PTPRJ: variants seen among roughly 807,000 people sequenced by gnomAD.
The protein encoded by PTPRJ is protein tyrosine phosphatase receptor type J, also known as receptor-type tyrosine-protein phosphatase eta.
PTPRJ carries 129 observed loss-of-function variants against 141.3 expected under a neutral mutation model. The ratio of observed to expected loss-of-function variants is 0.91; its 90% CI spans 0.79 to 1.06. PTPRJ has a LOEUF of 1.06. Among genes scored for constraint, PTPRJ ranks in the 50% least tolerant of loss-of-function variants. The pLI, the probability that PTPRJ is intolerant of heterozygous loss-of-function variation, is 0.00. For missense variants in PTPRJ, 1,601 were observed against 1,679.7 expected (o/e 0.95, Z 0.82); for synonymous variants, 610 against 640.5 (o/e 0.95, Z 0.72).
chr11:48,100,421 C>T (rs1045257169), intron 1 of PTPRJ, among the ~76,000 whole-genome samples: 9 of 152,100 alleles, frequency 5.9e-5, no homozygotes, highest in South Asian at 2.1e-4. Context: ...GTGTGCCCCT[C>T]GTATGCTAAG....
Position 48,130,584 on chromosome 11 carries a change from C to T in PTPRJ, c.1483C>T (p.Arg495Trp), listed in dbSNP as rs770381504. The T allele has an allele frequency of 7.9e-5, 128 of 1,613,930 alleles. No individual in the cohort carries two copies. The highest frequency in any genetic ancestry group is 9.7e-5 in the Non-Finnish European group (115 of 1,180,006). Residue 495 changes from arginine to tryptophan, a missense_variant, in exon 8 of 25, where the codon CGG (arginine) becomes TGG (tryptophan). Coordinates refer to ENST00000418331, the MANE Select transcript of PTPRJ (RefSeq NM_002843.4). ...HITQEGAGNSRVEITTNQSII... is the reference protein window; with the variant it reads ...HITQEGAGNSWVEITTNQSII... The stretch of plus-strand genomic sequence containing the variant: ...CACACAGGAGGGAGCTGGCAATTCT[C>T]GGGTAGAAATAACCACCAACCAAAG...
rs1207737961 is a variant in PTPRJ at position 48,110,076 on chromosome 11, A to C, written c.115A>C (p.Thr39Pro). Reference sequence around the variant, plus strand: ...GTTTCAGATCCTGTGCGCAGGTGGCAGTGAGTACCCTTTTCCTCTCTATTC... The same window carrying C: ...GTTTCAGATCCTGTGCGCAGGTGGCCGTGAGTACCCTTTTCCTCTCTATTC... ...RLGQILCAGG[T>P]PSPIPDPSVA... Residue 39 changes from threonine to proline, a missense_variant and splice_region_variant, in exon 2 of 25, where the codon ACC becomes CCC. Physicochemically the swap from Thr to Pro is conservative, Grantham distance 38 (BLOSUM62 -1). Coordinates refer to ENST00000418331, the MANE Select transcript of PTPRJ (RefSeq NM_002843.4). The C allele has an allele frequency of 6.2e-7, 1 of 1,613,776 alleles. No homozygotes were observed. Among genetic ancestry groups the C allele is most frequent in the South Asian group, 1.1e-5 (1 of 91,070 alleles).
intron 17 of PTPRJ, 34 bp from the exon 18 acceptor site, chr11:48,150,062 A>G (rs1289276774): frequency 3.8e-6 from 6 of 1,575,678 alleles, no homozygotes; most frequent in Middle Eastern, 1.7e-4. Flanking sequence ...ACTTCACTGA[A>G]TGTAAAAAAT....
At chr11:48,132,347 CCT>C in intron 8 of PTPRJ, 2 of 972,788 alleles carry the variant, frequency 2.1e-6, no homozygotes, top group African/African-American at 3.5e-5. Context: ...CTAGCACCAG[CCT>C]GGGAGACCCT....
rs1292092161 is a variant in PTPRJ at position 47,996,334 on chromosome 11, C to CAAA, written c.96+15346_96+15348dup. 7.3e-3 allele frequency among the ~76,000 whole-genome samples: 407 copies of CAAA among 56,050 alleles called. 9 individuals carry two copies. Among genetic ancestry groups the CAAA allele is most frequent in the Non-Finnish European group, 0.011 (288 of 27,300 alleles). 36.8% of individuals were successfully genotyped at this position (56,050 alleles called of 152,430 possible). A position where few individuals can be genotyped will look rare whatever the true frequency, so the allele number is the denominator to read the frequency against. On this transcript the variant is annotated intron_variant, in intron 1 of 24. Transcript: ENST00000418331. ...TGGGGGACAGAGCGAGACTCTGTCTCAAAAAAAAAAAAAAAAAAAAAAGAG... is the reference window on the plus strand; with the variant it reads ...TGGGGGACAGAGCGAGACTCTGTCTCAAAAAAAAAAAAAAAAAAAAAAAAAGAG...
chr11:48,149,493 G>T lies in PTPRJ; in HGVS notation c.3041+5G>T. On this transcript the variant is annotated splice_donor_5th_base_variant and intron_variant, in intron 16 of 24. Transcript: ENST00000418331. The stretch of plus-strand genomic sequence containing the variant: ...AGTGTCCTTTTCTCAAATTAAGTAA[G>T]TCTCTCAAATTATGAGCTTTATTTT... 1 of 1,483,356 alleles carries T rather than the reference G, an allele frequency of 6.7e-7. No homozygotes were observed. Among genetic ancestry groups the T allele is most frequent in the Non-Finnish European group, 9.3e-7 (1 of 1,077,838 alleles). The allele number at this position is 1,483,356 out of a possible 1,614,324, so 91.9% of individuals were successfully genotyped here. A position where few individuals can be genotyped will look rare whatever the true frequency, so the allele number is the denominator to read the frequency against.
intron 1 of PTPRJ, among the ~76,000 whole-genome samples, chr11:47,994,729 A>G (rs903818519): frequency 6.6e-6 from 1 of 152,154 alleles, no homozygotes; most frequent in African/African-American, 2.4e-5. Flanking sequence ...CCCTAGGGGT[A>G]CCCCAGGAAG....
rs188702476 is a variant in PTPRJ at position 48,092,431 on chromosome 11, C to T, written c.97-17627C>T. On this transcript the variant is annotated intron_variant, in intron 1 of 24. Coordinates refer to ENST00000418331, the MANE Select transcript of PTPRJ (RefSeq NM_002843.4). ...TACTTACTGCTGAAAAATTCAGTGT[C>T]TTTTTTCTTTTTTTTTGAGACAGAG... Among the ~76,000 whole-genome samples, 19 of 150,112 alleles carry T rather than the reference C, an allele frequency of 1.3e-4. No homozygotes were observed. The East Asian group carries it at 3.4e-3, about 27-fold the overall frequency.
At chr11:48,068,869 G>A (rs1855155623) in intron 1 of PTPRJ, among the ~76,000 whole-genome samples, 1 of 152,164 alleles carries the variant, frequency 6.6e-6, no homozygotes, top group Non-Finnish European at 1.5e-5. Context: ...GGTCTCTTGT[G>A]AAGATTAAAT....
intron 1 of PTPRJ, among the ~76,000 whole-genome samples, chr11:48,028,990 C>T (rs1262306305): frequency 6.6e-6 from 1 of 152,218 alleles, no homozygotes; most frequent in Non-Finnish European, 1.5e-5. Flanking sequence ...TGTATGGTTT[C>T]AGACCGTTTT....
intron 1 of PTPRJ, among the ~76,000 whole-genome samples, chr11:48,017,688 C>T (rs1854986712): frequency 6.6e-6 from 1 of 152,200 alleles, no homozygotes; most frequent in Non-Finnish European, 1.5e-5. Flanking sequence ...CTTCTACCTG[C>T]ATGCACCGTG....
intron 1 of PTPRJ, among the ~76,000 whole-genome samples, chr11:47,981,525 G>GA (rs1853907729): frequency 1.3e-5 from 2 of 152,222 alleles, no homozygotes; most frequent in Admixed American, 1.3e-4. Flanking sequence ...CGGGACTCCG[G>GA]GCCGAGGGCC....
chr11:48,014,174 G>C (rs1366063932), intron 1 of PTPRJ, among the ~76,000 whole-genome samples: 1 of 152,084 alleles, frequency 6.6e-6, no homozygotes, highest in African/African-American at 2.4e-5. Context: ...TCCTTGTTAG[G>C]ATCATTTAGA....
intron 1 of PTPRJ, among the ~76,000 whole-genome samples, chr11:48,034,112 T>C (rs1326470252): frequency 6.6e-6 from 1 of 152,198 alleles, no homozygotes; most frequent in Non-Finnish European, 1.5e-5. Context: ...TCCCTTTTCC[T>C]GTCCTTTGGC....
chr11:47,984,773 G>T (rs1372612339), intron 1 of PTPRJ, among the ~76,000 whole-genome samples: 1 of 151,868 alleles, frequency 6.6e-6, no homozygotes, highest in Non-Finnish European at 1.5e-5. Flanking sequence ...TGGCCAGGCT[G>T]GTCTTGAACT....
chr11:48,003,919 A>T (rs1272366640), intron 1 of PTPRJ, among the ~76,000 whole-genome samples: 1 of 152,118 alleles, frequency 6.6e-6, no homozygotes, highest in Admixed American at 6.6e-5. Context: ...ATCCTTTTTT[A>T]AAAAATAATT....
chr11:48,066,659 C>T (rs998049210), intron 1 of PTPRJ, among the ~76,000 whole-genome samples: 29 of 151,620 alleles, frequency 1.9e-4, no homozygotes, highest in South Asian at 4.2e-4. Flanking sequence ...CATCTTGGCT[C>T]ACTGCAACCT....
chr11:48,035,588 G>A (rs922704096), intron 1 of PTPRJ, among the ~76,000 whole-genome samples: 3 of 89,112 alleles, frequency 3.4e-5, no homozygotes, highest in African/African-American at 1.3e-4. Flanking sequence ...AGGGAGACTT[G>A]TGTCTCAATT....
At chr11:48,086,160 A>AG (rs1327051868) in intron 1 of PTPRJ, among the ~76,000 whole-genome samples, 2 of 152,200 alleles carry the variant, frequency 1.3e-5, no homozygotes, top group Non-Finnish European at 2.9e-5. Context: ...GCAGGCAAAA[A>AG]GGACATTTAT....
Sources: allele counts gnomAD v4.1 joint callset (sites outside exome capture counted in the v4.1 genomes callset), GRCh38; gene constraint gnomAD v4.1.1; transcripts MANE v1.5; gene names NCBI Gene and HGNC (gene_info 2026-07-23, HGNC 2026-07-21).